CEP112: variants seen among roughly 807,000 people sequenced by gnomAD.
The protein encoded by CEP112 is centrosomal protein of 112 kDa.
In CEP112, 127 loss-of-function variants were observed where a neutral mutation model predicts 153.0. The observed-to-expected ratio is 0.83, with a 90% CI of 0.72 to 0.96. CEP112 has a LOEUF of 0.96. CEP112 is among the 40% of genes least tolerant of loss of function. The pLI is 0.00. For synonymous variants in CEP112, 358 were observed against 374.4 expected (o/e 0.96, Z 0.51); for missense variants, 1,089 against 1,101.2 (o/e 0.99, Z 0.16).
intron 24 of CEP112, among the ~76,000 whole-genome samples, chr17:65,648,714 C>A (rs537002686): frequency 6.6e-6 from 1 of 151,962 alleles, no homozygotes; most frequent in Non-Finnish European, 1.5e-5. Flanking sequence ...TTAAAAATAG[C>A]GAAGGGAGAA....
chr17:65,687,366 C>T (rs2047858255), intron 24 of CEP112, among the ~76,000 whole-genome samples: 1 of 151,856 alleles, frequency 6.6e-6, no homozygotes, highest in Non-Finnish European at 1.5e-5. Context: ...AGGGTTTCAC[C>T]ATGTTGGCCA....
At position 65,655,077 on chromosome 17, in the gene CEP112, T is replaced by C. The variant is rs1598211706; in HGVS notation, c.2698-14012A>G. On this transcript the variant is annotated intron_variant, in intron 24 of 26. Coordinates refer to ENST00000535342, the MANE Select transcript of CEP112 (RefSeq NM_001199165.4). ...GATCCAGAACCAAAACCTATGATCA[T>C]TGGCACCAATAATGTGTTTAAAGTT... 2.9e-5 allele frequency: 20 copies of C among 690,388 alleles called. 1 individual carries two copies. The highest frequency in any genetic ancestry group is 2.2e-4 in the South Asian group (16 of 73,928). 42.8% of individuals were successfully genotyped at this position (690,388 alleles called of 1,614,324 possible). A position where few individuals can be genotyped will look rare whatever the true frequency, so the allele number is the denominator to read the frequency against.
intron 4 of CEP112, among the ~76,000 whole-genome samples, chr17:66,170,011 A>G (rs2072176258): frequency 6.6e-6 from 1 of 152,200 alleles, no homozygotes; most frequent in Non-Finnish European, 1.5e-5. Context: ...TGTGGATGTC[A>G]GCAGCATTCC....
intron 8 of CEP112, among the ~76,000 whole-genome samples, chr17:66,094,433 G>A (rs866848795): frequency 7.9e-5 from 12 of 151,864 alleles, no homozygotes; most frequent in African/African-American, 2.2e-4. Flanking sequence ...AATGATGCTT[G>A]GAAAACTGGA....
At chr17:65,960,768 C>T (rs936885772) in intron 18 of CEP112, among the ~76,000 whole-genome samples, 3 of 152,106 alleles carry the variant, frequency 2.0e-5, no homozygotes, top group Non-Finnish European at 2.9e-5. Flanking sequence ...GCAGAACCCA[C>T]AGATACAAAA....
intron 20 of CEP112, among the ~76,000 whole-genome samples, chr17:65,870,189 A>T (rs187063739): frequency 6.6e-6 from 1 of 152,220 alleles, no homozygotes; most frequent in Non-Finnish European, 1.5e-5. Flanking sequence ...ATGAGTTCAC[A>T]TGAACTGGAA....
intron 20 of CEP112, among the ~76,000 whole-genome samples, chr17:65,871,437 C>A (rs2058666787): frequency 6.6e-6 from 1 of 152,140 alleles, no homozygotes; most frequent in Non-Finnish European, 1.5e-5. Flanking sequence ...AGATCAAGAC[C>A]ATCCTGGCTA....
intron 23 of CEP112, among the ~76,000 whole-genome samples, chr17:65,715,680 C>T (rs948555301): frequency 6.6e-6 from 1 of 151,966 alleles, no homozygotes. Context: ...CTTGATCTCC[C>T]GACCTTGTGA....
At chr17:66,109,457 A>C (rs935769834) in intron 6 of CEP112, among the ~76,000 whole-genome samples, 2 of 152,136 alleles carry the variant, frequency 1.3e-5, no homozygotes, top group African/African-American at 4.8e-5. Context: ...CCTAAAACTT[A>C]AAGTATAATA....
chr17:66,037,603 CTTA>C (rs148456536), intron 12 of CEP112, among the ~76,000 whole-genome samples: 77,903 of 151,598 alleles, frequency 0.51, 20,903 homozygotes, highest in African/African-American at 0.59. Context: ...GATGATTTTT[CTTA>C]TAATACTACA....
At chr17:65,945,919 T>C (rs1480153929) in intron 18 of CEP112, among the ~76,000 whole-genome samples, 1 of 152,222 alleles carries the variant, frequency 6.6e-6, no homozygotes, top group Non-Finnish European at 1.5e-5. Context: ...AGTGTTGGGA[T>C]TACAGGCATG....
intron 19 of CEP112, among the ~76,000 whole-genome samples, chr17:65,921,695 GA>G (rs2060733784): frequency 2.0e-5 from 3 of 151,718 alleles, no homozygotes; most frequent in Admixed American, 2.0e-4. Flanking sequence ...CTCTTTTCAT[GA>G]AAAAAAGAAA....
rs139831010 is a variant in CEP112, at chr17:65,770,749, C to T, written c.2395-20025G>A. ...TTACATTTTATATGATCTGGTACAA[C>T]AGTAGGTGAAGACAGACTGTAATTA... On this transcript the variant is annotated intron_variant, in intron 21 of 26. Coordinates refer to ENST00000535342, the MANE Select transcript of CEP112 (RefSeq NM_001199165.4). Among the ~76,000 whole-genome samples, 546 of 151,774 alleles carry T rather than the reference C, an allele frequency of 3.6e-3. 4 individuals carry two copies. The highest frequency in any genetic ancestry group is 0.013 in the African/African-American group (531 of 41,404).
At chr17:65,918,360 T>C (rs2060573597) in intron 19 of CEP112, among the ~76,000 whole-genome samples, 1 of 152,210 alleles carries the variant, frequency 6.6e-6, no homozygotes. Context: ...CTTGCAGAAT[T>C]TGTTTTGTCT....
chr17:65,743,919 G>A (rs907422269), intron 22 of CEP112, among the ~76,000 whole-genome samples: 1 of 151,614 alleles, frequency 6.6e-6, no homozygotes, highest in Non-Finnish European at 1.5e-5. Flanking sequence ...CCGTCACGAT[G>A]CCCAGCTAAT....
intron 21 of CEP112, among the ~76,000 whole-genome samples, chr17:65,766,955 G>A (rs972818237): frequency 1.3e-5 from 2 of 148,570 alleles, no homozygotes; most frequent in Non-Finnish European, 3.0e-5. Flanking sequence ...GTAATAGTGG[G>A]GACTTCAATA....
intron 19 of CEP112, among the ~76,000 whole-genome samples, chr17:65,918,040 C>A (rs1001514109): frequency 1.3e-5 from 2 of 151,796 alleles, no homozygotes; most frequent in African/African-American, 4.8e-5. Flanking sequence ...ATTAGCCAGG[C>A]GTGGTGGCGT....
chr17:66,112,688 A>G (rs2069112787), intron 6 of CEP112, among the ~76,000 whole-genome samples: 2 of 152,198 alleles, frequency 1.3e-5, no homozygotes, highest in Admixed American at 1.3e-4. Flanking sequence ...TCACGCCTGT[A>G]ATCTCAGCAC....
At chr17:65,671,264 GA>G (rs2046967594) in intron 24 of CEP112, among the ~76,000 whole-genome samples, 2 of 152,284 alleles carry the variant, frequency 1.3e-5, no homozygotes, top group Non-Finnish European at 2.9e-5. Flanking sequence ...TACACTTTAA[GA>G]GCTCCCGAAG....
Sources: gnomAD v4.1 joint callset for allele counts (sites outside exome capture counted in the v4.1 genomes callset) on GRCh38, gnomAD v4.1.1 for gene constraint, MANE v1.5 for transcripts, NCBI Gene and HGNC (gene_info 2026-07-23, HGNC 2026-07-21) for gene names.